Variants in WIPF2 observed in about 807,000 individuals in gnomAD.
The protein encoded by WIPF2 is WAS/WASL-interacting protein family member 2.
A neutral mutation model predicts 38.8 loss-of-function variants in WIPF2; 23 were observed. The ratio of observed to expected loss-of-function variants is 0.59; its 90% CI spans 0.43 to 0.84. The LOEUF (loss-of-function observed/expected upper bound fraction) is 0.84, where lower values mean the gene tolerates loss of function less well. Ranked by LOEUF, WIPF2 falls within the 40% of genes least tolerant of loss-of-function variation. The probability of loss-of-function intolerance (pLI) is 0.00; values close to 1 mark genes in which losing one functional copy is unlikely to be tolerated. For synonymous variants in WIPF2, 210 were observed against 223.2 expected (o/e 0.94, Z 0.53); for missense variants, 574 against 580.5 (o/e 0.99, Z 0.11).
chr17:40,246,505 C>A (rs1246039264), intron 1 of WIPF2, among the ~76,000 whole-genome samples: 3 of 150,126 alleles, frequency 2.0e-5, no homozygotes, highest in Non-Finnish European at 4.4e-5. Context: ...TTCAACGATT[C>A]TCCTGCCTCA....
chr17:40,240,224 G>A (rs1300107414), intron 1 of WIPF2, among the ~76,000 whole-genome samples: 1 of 151,822 alleles, frequency 6.6e-6, no homozygotes, highest in African/African-American at 2.4e-5. Flanking sequence ...CACCACAATC[G>A]GCTAATTTTT....
intron 1 of WIPF2, among the ~76,000 whole-genome samples, chr17:40,252,920 C>T (rs1160399978): frequency 6.6e-6 from 1 of 151,758 alleles, no homozygotes; most frequent in Non-Finnish European, 1.5e-5. Context: ...CATGTGCCAC[C>T]ATGCCTGGCT....
At chr17:40,267,282 A>G (rs1233966250) in intron 5 of WIPF2, among the ~76,000 whole-genome samples, 2 of 152,168 alleles carry the variant, frequency 1.3e-5, no homozygotes, top group African/African-American at 4.8e-5. Context: ...AGAGTGGGGC[A>G]GGAAGGGAAG....
At chr17:40,267,832 A>G (rs1471681758) in intron 5 of WIPF2, among the ~76,000 whole-genome samples, 1 of 152,182 alleles carries the variant, frequency 6.6e-6, no homozygotes. Context: ...CTACAGGTAT[A>G]GAACATTGAT....
At chr17:40,272,482 T>C (rs2032278312) in intron 5 of WIPF2, among the ~76,000 whole-genome samples, 1 of 152,214 alleles carries the variant, frequency 6.6e-6, no homozygotes. Context: ...ACTGGACATA[T>C]GTAACTTCCC....
chr17:40,279,852 A>AG lies in WIPF2; in HGVS notation c.*1627_*1628insG, dbSNP rs1309269791. On this transcript the variant is annotated 3_prime_UTR_variant, in exon 8 of 8. Coordinates refer to ENST00000323571, the MANE Select transcript of WIPF2 (RefSeq NM_133264.5). ...GCGACAGAGCCAGACTCCGTCTCAA[A>AG]AAAAAAAAAAAAAAAAAAATTTAAT... 6.6e-6 allele frequency: 1 copy of AG among 150,508 alleles called. No individual in the cohort carries two copies. Among genetic ancestry groups the AG allele is most frequent in the African/African-American group, 2.4e-5 (1 of 41,028 alleles). 9.3% of individuals were successfully genotyped at this position (150,508 alleles called of 1,614,324 possible). A position where few individuals can be genotyped will look rare whatever the true frequency, so the allele number is the denominator to read the frequency against.
At chr17:40,252,418 C>G (rs539724574) in intron 1 of WIPF2, among the ~76,000 whole-genome samples, 1 of 152,236 alleles carries the variant, frequency 6.6e-6, no homozygotes, top group East Asian at 1.9e-4. Flanking sequence ...AATCCCAGCA[C>G]TTTGGGTGGC....
intron 1 of WIPF2, among the ~76,000 whole-genome samples, chr17:40,240,514 GT>G (rs797018773): frequency 3.9e-4 from 55 of 140,510 alleles, no homozygotes; most frequent in Middle Eastern, 3.8e-3. Context: ...GCAGTGTTTT[GT>G]TTTTTTTTTT....
intron 5 of WIPF2, among the ~76,000 whole-genome samples, chr17:40,266,877 A>T (rs555484355): frequency 6.6e-6 from 1 of 152,292 alleles, no homozygotes; most frequent in African/African-American, 2.4e-5. Flanking sequence ...CTTCCATAGT[A>T]ACAAGAGGGG....
chr17:40,240,461 C>A (rs1024684031), intron 1 of WIPF2, among the ~76,000 whole-genome samples: 6 of 151,896 alleles, frequency 4.0e-5, no homozygotes, highest in Non-Finnish European at 8.8e-5. Flanking sequence ...CGTTTTGATT[C>A]AGAAGTTCAT....
chr17:40,278,709 C>T lies in WIPF2; in HGVS notation c.*484C>T, dbSNP rs1845669862. 6.5e-6 allele frequency: 1 copy of T among 154,904 alleles called. No individual in the cohort carries two copies. Among genetic ancestry groups the T allele is most frequent in the Non-Finnish European group, 1.4e-5 (1 of 69,796 alleles). The allele number at this position is 154,904 out of a possible 1,614,324, so 9.6% of individuals were successfully genotyped here. On this transcript the variant is annotated 3_prime_UTR_variant, in exon 8 of 8. Transcript: ENST00000323571. ...TTAGTGAAGCAAGAAAGGAGTTTGC[C>T]AAGAAGTGATCTGTTTTAAAGGTCA...
intron 4 of WIPF2, among the ~76,000 whole-genome samples, chr17:40,263,983 A>C (rs2031995784): frequency 6.6e-6 from 1 of 152,192 alleles, no homozygotes; most frequent in African/African-American, 2.4e-5. Flanking sequence ...ACTTGTCAAA[A>C]ATAAAGTAAC....
intron 1 of WIPF2, among the ~76,000 whole-genome samples, chr17:40,251,261 A>C (rs1259006317): frequency 6.6e-6 from 1 of 151,860 alleles, no homozygotes; most frequent in Admixed American, 6.6e-5. Flanking sequence ...GAAGGCTCAA[A>C]TTTGTCCTTT....
chr17:40,273,875 AC>A lies in WIPF2; in HGVS notation c.1061del (p.Pro354ArgfsTer25). ...CACCATACCGAATGCATGGGTCAGA[AC>A]CCCCGAGCCGAGGAAAGCCCCCACC... ...PPPYRMHGSEPPSRGKPPPPP... is the reference protein window; with the variant it reads ...PPPYRMHGSEXPSRGKPPPPP... On this transcript the variant is annotated frameshift_variant, in exon 6 of 8. Transcript: ENST00000323571. LOFTEE classifies it high-confidence loss of function. 4 of 1,556,770 alleles carry A rather than the reference AC, an allele frequency of 2.6e-6. No homozygotes were observed. The highest frequency in any genetic ancestry group is 3.5e-6 in the Non-Finnish European group (4 of 1,141,982).
intron 5 of WIPF2, among the ~76,000 whole-genome samples, chr17:40,270,223 G>A (rs1030759094): frequency 2.6e-5 from 4 of 151,740 alleles, no homozygotes; most frequent in Non-Finnish European, 4.4e-5. Flanking sequence ...AAAATGAGCC[G>A]GGCGTGGTGG....
At chr17:40,272,634 A>T (rs2032282954) in intron 5 of WIPF2, among the ~76,000 whole-genome samples, 1 of 152,164 alleles carries the variant, frequency 6.6e-6, no homozygotes, top group Non-Finnish European at 1.5e-5. Flanking sequence ...AGAAGATGGG[A>T]CTTGGATTGA....
At chr17:40,269,393 C>G (rs1203167438) in intron 5 of WIPF2, among the ~76,000 whole-genome samples, 8 of 150,172 alleles carry the variant, frequency 5.3e-5, no homozygotes, top group Admixed American at 6.6e-5. Flanking sequence ...TGCCTGTGGT[C>G]CCAGCTACTT....
At chr17:40,220,746 G>A (rs2030196341) in intron 1 of WIPF2, among the ~76,000 whole-genome samples, 1 of 149,360 alleles carries the variant, frequency 6.7e-6, no homozygotes, top group Admixed American at 6.7e-5. Flanking sequence ...GGGATTACAG[G>A]GATGAGCCAC....
Position 40,273,927 on chromosome 17 carries a change from C to T in WIPF2, c.1108C>T (p.Pro370Ser). 1.3e-6 allele frequency: 2 copies of T among 1,590,638 alleles called. No homozygotes were observed. Among genetic ancestry groups the T allele is most frequent in the Non-Finnish European group, 1.7e-6 (2 of 1,168,334 alleles). The change falls in exon 6 of 8, where the codon CCA (proline) becomes TCA (serine). Residue 370 changes from proline (P) to serine (S), a missense_variant. By Grantham distance (74) the Pro-to-Ser change is moderately conservative (BLOSUM62 -1). Transcript: ENST00000323571. ...TCCACCCTCAAGGACGCCAGCTGGG[C>T]CACCCCCTCCTCCTCCACCGCCCCT... ...PPPPSRTPAG[P>S]PPPPPPPLRN...
Sources: allele counts gnomAD v4.1 joint callset (sites outside exome capture counted in the v4.1 genomes callset), GRCh38; gene constraint gnomAD v4.1.1; transcripts MANE v1.5; gene names NCBI Gene and HGNC (gene_info 2026-07-23, HGNC 2026-07-21).